Variants in TBC1D12 observed in about 807,000 individuals in gnomAD.
TBC1D12 encodes TBC1 domain family, member 12.
A neutral mutation model predicts 86.7 loss-of-function variants in TBC1D12; 56 were observed. The ratio of observed to expected loss-of-function variants is 0.65; its 90% CI spans 0.52 to 0.81. TBC1D12 has a LOEUF of 0.81. Ranked by LOEUF, TBC1D12 falls within the 30% of genes least tolerant of loss-of-function variation. TBC1D12 has a pLI of 0.00. For missense variants in TBC1D12, 1,023 were observed against 1,038.8 expected (o/e 0.98, Z 0.21); for synonymous variants, 421 against 411.7 (o/e 1.02, Z -0.27).
At chr10:94,481,748 T>A (rs931104288) in intron 3 of TBC1D12, among the ~76,000 whole-genome samples, 1 of 152,192 alleles carries the variant, frequency 6.6e-6, no homozygotes, top group African/African-American at 2.4e-5. Flanking sequence ...CATTCTCCAC[T>A]TGCCTAACTG....
chr10:94,457,774 C>T (rs1336001022), intron 2 of TBC1D12, among the ~76,000 whole-genome samples: 1 of 152,100 alleles, frequency 6.6e-6, no homozygotes, highest in East Asian at 1.9e-4. Flanking sequence ...TCTCCCATTT[C>T]TTAGCATATC....
chr10:94,457,642 GATT>G (rs1427876874), intron 2 of TBC1D12, among the ~76,000 whole-genome samples: 1 of 152,122 alleles, frequency 6.6e-6, no homozygotes, highest in African/African-American at 2.4e-5. Flanking sequence ...GATACAGTTG[GATT>G]ATTATCTCTC....
At chr10:94,478,214 A>G (rs2056021852) in intron 3 of TBC1D12, among the ~76,000 whole-genome samples, 3 of 152,124 alleles carry the variant, frequency 2.0e-5, no homozygotes, top group Admixed American at 2.0e-4. Context: ...GTGAGCTCTG[A>G]TTGTGCCACT....
chr10:94,523,862 A>C (rs1842217763), intron 11 of TBC1D12, among the ~76,000 whole-genome samples: 1 of 152,128 alleles, frequency 6.6e-6, no homozygotes. Flanking sequence ...CCAGCTACTC[A>C]GGAGGCTGAG....
At chr10:94,460,075 T>C (rs548491802) in intron 2 of TBC1D12, among the ~76,000 whole-genome samples, 2 of 151,898 alleles carry the variant, frequency 1.3e-5, no homozygotes, top group South Asian at 4.2e-4. Context: ...CTACTAAAAA[T>C]ACAAAAATTA....
At chr10:94,500,106 A>G (rs118151802) in intron 5 of TBC1D12, 115 bp from the exon 6 acceptor site, 17 of 895,904 alleles carry the variant, frequency 1.9e-5, no homozygotes, top group East Asian at 1.1e-4. Flanking sequence ...TTAATTCTCT[A>G]TAGTCCTAAA....
intron 2 of TBC1D12, among the ~76,000 whole-genome samples, chr10:94,465,517 G>C (rs183027309): frequency 6.6e-6 from 1 of 151,898 alleles, no homozygotes; most frequent in Non-Finnish European, 1.5e-5. Context: ...ATGGTGGCAC[G>C]TGCCTGTAGT....
At chr10:94,476,959 G>T (rs2055998009) in intron 3 of TBC1D12, among the ~76,000 whole-genome samples, 1 of 151,948 alleles carries the variant, frequency 6.6e-6, no homozygotes, top group African/African-American at 2.4e-5. Flanking sequence ...TACTTCTCTT[G>T]TACCTTTCTT....
intron 7 of TBC1D12, chr10:94,508,348 A>G (rs189036600): frequency 6.6e-6 from 1 of 151,784 alleles, no homozygotes; most frequent in Admixed American, 6.6e-5. Context: ...TTCCCTGGCT[A>G]GTCTCAAACT....
chr10:94,448,761 G>A (rs1022375274), intron 2 of TBC1D12, among the ~76,000 whole-genome samples: 1 of 152,058 alleles, frequency 6.6e-6, no homozygotes, highest in African/African-American at 2.4e-5. Flanking sequence ...TTACAGGCAT[G>A]TGCCACCATG....
chr10:94,448,624 A>G (rs970326993), intron 2 of TBC1D12, among the ~76,000 whole-genome samples: 2 of 152,038 alleles, frequency 1.3e-5, no homozygotes, highest in Non-Finnish European at 2.9e-5. Context: ...CTACAGGTGC[A>G]TGCCACCATG....
At chr10:94,527,757 G>A (rs950422695) in intron 11 of TBC1D12, among the ~76,000 whole-genome samples, 1 of 152,006 alleles carries the variant, frequency 6.6e-6, no homozygotes, top group Non-Finnish European at 1.5e-5. Flanking sequence ...AGAAGTGGGG[G>A]TCTAGTTTTG....
In TBC1D12 at chr10:94,466,687, A is replaced by G. The variant is rs902386375; in HGVS notation, c.1096-7981A>G. ...TGAAAAAACAATACAGAGAATTCAT[A>G]AATACCTCTCATTCAGTTTCTTCTA... On this transcript the variant is annotated intron_variant, in intron 2 of 12. Coordinates refer to ENST00000225235, the MANE Select transcript of TBC1D12 (RefSeq NM_015188.2). Among the ~76,000 whole-genome samples, 5 of 152,290 alleles carry G rather than the reference A, an allele frequency of 3.3e-5. No homozygotes were observed. In the South Asian group the frequency reaches 8.3e-4, roughly 25 times the overall value.
intron 7 of TBC1D12, chr10:94,509,342 C>T (rs2056500116): frequency 6.6e-6 from 1 of 152,302 alleles, no homozygotes; most frequent in Admixed American, 6.5e-5. Flanking sequence ...GGTGATCCAT[C>T]TTGGCCTCCC....
chr10:94,462,097 G>C (rs78056078), intron 2 of TBC1D12, among the ~76,000 whole-genome samples: 3,329 of 152,228 alleles, frequency 0.022, 124 homozygotes, highest in African/African-American at 0.074. Flanking sequence ...AGGGATGTCA[G>C]TCTATAATTT....
intron 9 of TBC1D12, 60 bp downstream of exon 9, chr10:94,511,714 A>G: frequency 8.5e-7 from 1 of 1,179,830 alleles, no homozygotes; most frequent in Non-Finnish European, 1.3e-6. Flanking sequence ...CTCTTTATCA[A>G]AATATCCTAT....
intron 3 of TBC1D12, among the ~76,000 whole-genome samples, chr10:94,488,386 C>CTTTTTTTTTTTTTTT (rs770258959): frequency 2.7e-5 from 2 of 74,794 alleles, no homozygotes; most frequent in Non-Finnish European, 2.5e-5. Flanking sequence ...CCCAAGGGGT[C>CTTTTTTTTTTTTTTT]TTTTTTTTTT....
chr10:94,490,566 T>TCA (rs1043694814), intron 3 of TBC1D12, among the ~76,000 whole-genome samples: 9 of 152,240 alleles, frequency 5.9e-5, no homozygotes, highest in African/African-American at 2.2e-4. Flanking sequence ...TTTTTCTGCT[T>TCA]CACATCTCTG....
chr10:94,423,189 G>C, intron 1 of TBC1D12, among the ~76,000 whole-genome samples: 1 of 152,148 alleles, frequency 6.6e-6, no homozygotes, highest in East Asian at 1.9e-4. Context: ...GGATCACAGA[G>C]TGCCAGGAAC....
Sources: allele counts gnomAD v4.1 joint callset (sites outside exome capture counted in the v4.1 genomes callset), GRCh38; gene constraint gnomAD v4.1.1; transcripts MANE v1.5; gene names NCBI Gene and HGNC (gene_info 2026-07-23, HGNC 2026-07-21).